Variants in PTPRD observed in about 807,000 individuals in gnomAD.
PTPRD encodes the protein protein tyrosine phosphatase receptor type D.
A neutral mutation model predicts 214.5 loss-of-function variants in PTPRD; 34 were observed. The ratio of observed to expected loss-of-function variants is 0.16; its 90% CI spans 0.12 to 0.21. PTPRD has a LOEUF of 0.21. Among genes scored for constraint, PTPRD ranks in the 10% least tolerant of loss-of-function variants. The probability of loss-of-function intolerance (pLI) is 1.00; values close to 1 mark genes in which losing one functional copy is unlikely to be tolerated. For missense variants in PTPRD, 2,545 were observed against 2,398.7 expected (o/e 1.06, Z -1.27); for synonymous variants, 1,128 against 845.7 (o/e 1.33, Z -5.79).
At position 8,386,130 on chromosome 9, in the gene PTPRD, C is replaced by T. The variant is rs1329412518; in HGVS notation, c.4386+3102G>A. On this transcript the variant is annotated intron_variant, in intron 37 of 45. Transcript: ENST00000381196. ...TCAGTCAATACCCACAATAACCCTT[C>T]CGCATAATCCAAAAAAGGAAAAATG... 2.6e-5 allele frequency among the ~76,000 whole-genome samples: 4 copies of T among 152,168 alleles called. No homozygotes were observed. In the South Asian group the frequency reaches 8.3e-4, roughly 32 times the overall value.
intron 3 of PTPRD, among the ~76,000 whole-genome samples, chr9:10,315,857 T>G (rs909103053): frequency 6.6e-6 from 1 of 151,866 alleles, no homozygotes; most frequent in Non-Finnish European, 1.5e-5. Flanking sequence ...CTTATGCCAT[T>G]TATAGTAGTA....
In PTPRD at chr9:8,640,475, A is replaced by T. The variant is rs117326388; in HGVS notation, c.65-3631T>A. ...GAACTGTGGTAAACTTATTAAAATA[A>T]CCAGTTAGAATCTATTTTAGGACCT... is the stretch of plus-strand genomic sequence containing the variant. On this transcript the variant is annotated intron_variant, in intron 12 of 45. Coordinates refer to ENST00000381196, the MANE Select transcript of PTPRD (RefSeq NM_002839.4). 9.9e-3 allele frequency among the ~76,000 whole-genome samples: 1,499 copies of T among 152,042 alleles called. 16 individuals carry two copies. The highest frequency in any genetic ancestry group is 0.013 in the Non-Finnish European group (917 of 67,998).
intron 8 of PTPRD, among the ~76,000 whole-genome samples, chr9:9,549,861 A>G (rs186452982): frequency 6.4e-4 from 98 of 152,188 alleles, no homozygotes; most frequent in African/African-American, 2.3e-3. Context: ...CACACAGAAT[A>G]TCTTGGGATC....
intron 14 of PTPRD, among the ~76,000 whole-genome samples, chr9:8,599,613 C>CCCCCTTTTTTTTT (rs2094698008): frequency 3.7e-5 from 2 of 53,428 alleles, no homozygotes; most frequent in African/African-American, 7.0e-5. Context: ...CCCGCCCACC[C>CCCCCTTTTTTTTT]TTTTTTTTTT....
At chr9:9,249,467 C>T (rs73641274) in intron 9 of PTPRD, among the ~76,000 whole-genome samples, 26,393 of 152,046 alleles carry the variant, frequency 0.17, 2,391 homozygotes, top group Middle Eastern at 0.25. Context: ...TGACAACCAA[C>T]TACATTTTCA....
At chr9:9,905,584 A>G (rs1000534204) in intron 5 of PTPRD, among the ~76,000 whole-genome samples, 1 of 151,826 alleles carries the variant, frequency 6.6e-6, no homozygotes, top group African/African-American at 2.4e-5. Flanking sequence ...TGTGTTCATA[A>G]AAATAATATA....
intron 14 of PTPRD, among the ~76,000 whole-genome samples, chr9:8,611,588 C>G (rs1294669967): frequency 6.6e-6 from 1 of 151,886 alleles, no homozygotes. Flanking sequence ...ACCTGTATTC[C>G]CAGCTACTGG....
intron 3 of PTPRD, among the ~76,000 whole-genome samples, chr9:10,292,815 A>G (rs1168782347): frequency 6.6e-6 from 1 of 151,862 alleles, no homozygotes; most frequent in African/African-American, 2.4e-5. Context: ...CACATAAAAT[A>G]CAGTTTCTTC....
chr9:9,924,309 G>C (rs10759104), intron 5 of PTPRD, among the ~76,000 whole-genome samples: 1 of 151,658 alleles, frequency 6.6e-6, no homozygotes, highest in African/African-American at 2.4e-5. Flanking sequence ...TTACCAAAAG[G>C]ACCAGATACA....
chr9:9,769,721 T>C (rs1471433945), intron 5 of PTPRD, among the ~76,000 whole-genome samples: 2 of 152,222 alleles, frequency 1.3e-5, no homozygotes, highest in Admixed American at 1.3e-4. Context: ...CAACCCATCA[T>C]CTACATTAGG....
At chr9:9,852,909 G>A (rs916620063) in intron 5 of PTPRD, among the ~76,000 whole-genome samples, 9 of 152,098 alleles carry the variant, frequency 5.9e-5, no homozygotes, top group Non-Finnish European at 1.0e-4. Context: ...CTTGATCTGT[G>A]CACTATACCT....
At chr9:8,819,314 T>C (rs925884548) in intron 11 of PTPRD, among the ~76,000 whole-genome samples, 3 of 152,146 alleles carry the variant, frequency 2.0e-5, no homozygotes, top group African/African-American at 7.2e-5. Flanking sequence ...TAGACTGATC[T>C]GTTTCATATT....
At chr9:8,935,396 T>C (rs1457184292) in intron 11 of PTPRD, among the ~76,000 whole-genome samples, 2 of 132,298 alleles carry the variant, frequency 1.5e-5, no homozygotes, top group Non-Finnish European at 3.2e-5. Context: ...TAAGGATAAA[T>C]TTAACCAGTG....
At position 9,205,356 on chromosome 9, in the gene PTPRD, C is replaced by T. The variant is rs141449557; in HGVS notation, c.-202-21993G>A. Among the ~76,000 whole-genome samples, 301 of 152,262 alleles carry T rather than the reference C, an allele frequency of 2.0e-3. 2 individuals carry two copies. Among genetic ancestry groups the T allele is most frequent in the African/African-American group, 6.6e-3 (276 of 41,574 alleles). On this transcript the variant is annotated intron_variant, in intron 9 of 45. Coordinates refer to ENST00000381196, the MANE Select transcript of PTPRD (RefSeq NM_002839.4). The stretch of plus-strand genomic sequence containing the variant: ...CTTCACCAGTTCACATTTAACTACA[C>T]ATTGGCTTCCACTTCATATTCTTGA...
intron 2 of PTPRD, among the ~76,000 whole-genome samples, chr9:10,456,492 G>A (rs891844706): frequency 2.6e-5 from 4 of 151,868 alleles, no homozygotes; most frequent in African/African-American, 9.7e-5. Context: ...CCAGAGATTA[G>A]GACTATAGTT....
intron 43 of PTPRD, among the ~76,000 whole-genome samples, chr9:8,332,118 CAT>C (rs1270863451): frequency 1.4e-5 from 2 of 144,356 alleles, no homozygotes; most frequent in African/African-American, 5.5e-5. Context: ...TAAAATGGAA[CAT>C]ATATATTCCA....
At chr9:8,445,561 T>C (rs909506533) in intron 34 of PTPRD, among the ~76,000 whole-genome samples, 2 of 152,220 alleles carry the variant, frequency 1.3e-5, no homozygotes, top group Non-Finnish European at 1.5e-5. Flanking sequence ...CGTATATTTG[T>C]CCAGACTTAC....
intron 12 of PTPRD, among the ~76,000 whole-genome samples, chr9:8,714,501 G>C (rs1340182741): frequency 6.6e-6 from 1 of 152,082 alleles, no homozygotes; most frequent in Non-Finnish European, 1.5e-5. Flanking sequence ...AGATAGCTTG[G>C]TGCGCAGTAG....
intron 11 of PTPRD, among the ~76,000 whole-genome samples, chr9:8,907,554 A>G (rs1392266441): frequency 6.8e-6 from 1 of 147,546 alleles, no homozygotes; most frequent in Non-Finnish European, 1.5e-5. Flanking sequence ...ATATATATAT[A>G]AAGAAGAAAA....
Sources: gnomAD v4.1 joint callset for allele counts (sites outside exome capture counted in the v4.1 genomes callset) on GRCh38, gnomAD v4.1.1 for gene constraint, MANE v1.5 for transcripts, NCBI Gene and HGNC (gene_info 2026-07-23, HGNC 2026-07-21) for gene names.